DNTT: variants seen among roughly 807,000 people sequenced by gnomAD.
The protein encoded by DNTT is nucleosidetriphosphate:DNA deoxynucleotidylexotransferase.
Under a neutral mutation model 60.9 loss-of-function variants are expected in DNTT, and 47 were observed. The observed-to-expected ratio is 0.77, with a 90% CI of 0.61 to 0.98. The LOEUF (loss-of-function observed/expected upper bound fraction) is 0.98. Among genes scored for constraint, DNTT ranks in the 50% least tolerant of loss-of-function variants. DNTT has a pLI of 0.00. For synonymous variants in DNTT, 224 were observed against 221.2 expected (o/e 1.01, Z -0.11); for missense variants, 665 against 627.5 (o/e 1.06, Z -0.64).
intron 10 of DNTT, among the ~76,000 whole-genome samples, chr10:96,337,460 C>T (rs1353436993): frequency 1.3e-5 from 2 of 152,214 alleles, no homozygotes; most frequent in Non-Finnish European, 2.9e-5. Flanking sequence ...GCAGGAAAGC[C>T]TCGGATGCTA....
intron 1 of DNTT, among the ~76,000 whole-genome samples, chr10:96,315,755 A>C (rs1048314891): frequency 6.6e-6 from 1 of 151,388 alleles, no homozygotes; most frequent in African/African-American, 2.4e-5. Flanking sequence ...ATGTATCATA[A>C]GTATAATAAT....
intron 9 of DNTT, among the ~76,000 whole-genome samples, chr10:96,334,539 G>A (rs1478523025): frequency 6.6e-6 from 1 of 152,174 alleles, no homozygotes; most frequent in Non-Finnish European, 1.5e-5. Context: ...TTTTTATACA[G>A]ATGAATGACA....
chr10:96,308,533 C>G (rs1182965423), intron 1 of DNTT, among the ~76,000 whole-genome samples: 2 of 152,116 alleles, frequency 1.3e-5, no homozygotes, highest in East Asian at 1.9e-4. Context: ...AGTTCCAATA[C>G]GTGGAGCTAT....
chr10:96,314,006 G>A (rs1257064672), intron 1 of DNTT, among the ~76,000 whole-genome samples: 1 of 152,196 alleles, frequency 6.6e-6, no homozygotes, highest in Non-Finnish European at 1.5e-5. Context: ...TTGATGTGTG[G>A]CTATGGCAAC....
At position 96,327,485 on chromosome 10, in the gene DNTT, G is replaced by A. The variant is rs1361276323; in HGVS notation, c.892G>A (p.Asp298Asn). 3.7e-5 allele frequency: 60 copies of A among 1,614,090 alleles called. No individual in the cohort carries two copies. Among genetic ancestry groups the A allele is most frequent in the Non-Finnish European group, 4.7e-5 (56 of 1,179,960 alleles). ...MQKAGFLYYE[D>N]LVSCVTRAEA... ...CCTCTCAGGATTTCTGTATTATGAA[G>A]ACCTTGTCAGCTGTGTGACCAGGGC... is the stretch of plus-strand genomic sequence containing the variant. The change falls in exon 7 of 11, where the codon GAC (aspartate) becomes AAC (asparagine). Residue 298 changes from aspartate to asparagine, a missense_variant. Coordinates refer to ENST00000371174, the MANE Select transcript of DNTT (RefSeq NM_004088.4).
At chr10:96,313,748 G>C (rs1844749655) in intron 1 of DNTT, among the ~76,000 whole-genome samples, 1 of 152,170 alleles carries the variant, frequency 6.6e-6, no homozygotes, top group Admixed American at 6.5e-5. Context: ...TTACTTAATA[G>C]TGCCTTGAGC....
chr10:96,304,724 T>A, intron 1 of DNTT, 24 bp downstream of exon 1: 1 of 1,608,240 alleles, frequency 6.2e-7, no homozygotes, highest in South Asian at 1.1e-5. Flanking sequence ...GATCTTGCTT[T>A]GTAAATAAGC....
chr10:96,322,740 T>TTTACAAAAAATAA lies in DNTT; in HGVS notation c.750+12_750+13insTTACAAAAAATAA. ...ATCAATCCTTCAAAGTAAGTGATTT[T>TTTACAAAAAATAA]ACATATATTTATTGAAAATTGTTTT... On this transcript the variant is annotated intron_variant, in intron 5 of 10. Transcript: ENST00000371174. The TTTACAAAAAATAA allele has an allele frequency of 6.4e-7, 1 of 1,574,530 alleles. No individual in the cohort carries two copies. Among genetic ancestry groups the TTTACAAAAAATAA allele is most frequent in the Non-Finnish European group, 8.7e-7 (1 of 1,153,196 alleles).
intron 2 of DNTT, among the ~76,000 whole-genome samples, 195 bp downstream of exon 2, chr10:96,318,721 T>C (rs1844822933): frequency 6.6e-6 from 1 of 152,188 alleles, no homozygotes; most frequent in Non-Finnish European, 1.5e-5. Flanking sequence ...CCTCACAAAA[T>C]GGTCATGAAG....
chr10:96,338,075 G>C, intron 10 of DNTT, 63 bp from the exon 11 acceptor site: 1 of 1,410,444 alleles, frequency 7.1e-7, no homozygotes, highest in Non-Finnish European at 9.8e-7. Context: ...CACTTTCACT[G>C]TGTCCACACC....
chr10:96,329,855 C>A (rs920199513), intron 8 of DNTT, among the ~76,000 whole-genome samples: 3 of 152,158 alleles, frequency 2.0e-5, no homozygotes, highest in African/African-American at 7.2e-5. Context: ...TGGACGGAGC[C>A]TTCCTGTGGG....
intron 1 of DNTT, among the ~76,000 whole-genome samples, chr10:96,309,903 C>T (rs1411758827): frequency 6.6e-6 from 1 of 152,220 alleles, no homozygotes; most frequent in Non-Finnish European, 1.5e-5. Flanking sequence ...ATGATAAATC[C>T]TTTCTCTGTC....
At chr10:96,305,810 T>C (rs1844627046) in intron 1 of DNTT, among the ~76,000 whole-genome samples, 1 of 152,188 alleles carries the variant, frequency 6.6e-6, no homozygotes, top group Non-Finnish European at 1.5e-5. Context: ...TCATATGACA[T>C]TGACTTTTCA....
At chr10:96,318,209 G>A (rs1844812406) in intron 1 of DNTT, 143 bp from the exon 2 acceptor site, 1 of 849,224 alleles carries the variant, frequency 1.2e-6, no homozygotes, top group Admixed American at 2.6e-5. Flanking sequence ...CCCTTGCATG[G>A]AGGCCTAAAT....
chr10:96,326,651 C>T (rs572531251), intron 6 of DNTT, among the ~76,000 whole-genome samples: 1 of 152,328 alleles, frequency 6.6e-6, no homozygotes, highest in Non-Finnish European at 1.5e-5. Context: ...AAAGAACTGG[C>T]ACAACAGAGT....
chr10:96,332,880 A>G (rs1418795461), intron 9 of DNTT, among the ~76,000 whole-genome samples: 1 of 152,228 alleles, frequency 6.6e-6, no homozygotes, highest in East Asian at 1.9e-4. Context: ...AAACCTATGG[A>G]ATCAAATCAG....
chr10:96,323,866 C>G (rs903097434), intron 5 of DNTT, among the ~76,000 whole-genome samples: 1 of 152,130 alleles, frequency 6.6e-6, no homozygotes, highest in African/African-American at 2.4e-5. Context: ...ACTATATAAC[C>G]TACATGAGCA....
intron 5 of DNTT, among the ~76,000 whole-genome samples, chr10:96,323,190 T>A (rs1029671024): frequency 3.3e-5 from 5 of 152,154 alleles, no homozygotes; most frequent in Admixed American, 2.0e-4. Flanking sequence ...TTCCAGCTAC[T>A]TGGGAGATTG....
chr10:96,335,678 C>T (rs911459972), intron 9 of DNTT, among the ~76,000 whole-genome samples: 6 of 152,190 alleles, frequency 3.9e-5, no homozygotes, highest in South Asian at 4.1e-4. Flanking sequence ...CAGTTGTGGA[C>T]AGAACAAACC....
Sources: gnomAD v4.1 joint callset for allele counts (sites outside exome capture counted in the v4.1 genomes callset) on GRCh38, gnomAD v4.1.1 for gene constraint, MANE v1.5 for transcripts, NCBI Gene and HGNC (gene_info 2026-07-23, HGNC 2026-07-21) for gene names.